CYP4F2: variants seen among roughly 807,000 people sequenced by gnomAD.
CYP4F2 encodes cytochrome P450 family 4 subfamily F member 2, also known as cytochrome P450 4F2.
CYP4F2 carries 58 observed loss-of-function variants against 58.9 expected under a neutral mutation model. The observed-to-expected ratio is 0.98, with a 90% CI of 0.80 to 1.23. The LOEUF is 1.23. CYP4F2 is among the 50% of genes most tolerant of loss of function. The pLI, the probability that CYP4F2 is intolerant of heterozygous loss-of-function variation, is 0.00. For missense variants in CYP4F2, 616 were observed against 685.6 expected (o/e 0.90, Z 1.13); for synonymous variants, 287 against 261.1 (o/e 1.10, Z -0.95).
At chr19:15,886,132 C>A in intron 8 of CYP4F2, 79 bp from the exon 9 acceptor site, 1 of 1,605,828 alleles carries the variant, frequency 6.2e-7, no homozygotes, top group Non-Finnish European at 8.5e-7. Flanking sequence ...CATTGAGGGC[C>A]TCAGGGAGGA....
chr19:15,887,056 C>T (rs997298397), intron 7 of CYP4F2, among the ~76,000 whole-genome samples: 1 of 152,014 alleles, frequency 6.6e-6, no homozygotes, highest in African/African-American at 2.4e-5. Context: ...AGGTTTAATG[C>T]ATCTGTCACA....
chr19:15,892,991 G>A (rs538891557), intron 3 of CYP4F2, among the ~76,000 whole-genome samples: 1 of 152,300 alleles, frequency 6.6e-6, no homozygotes, highest in African/African-American at 2.4e-5. Flanking sequence ...CTGGACATGA[G>A]ACATGACCCT....
At chr19:15,890,254 C>G in intron 6 of CYP4F2, 58 bp downstream of exon 6, 1 of 1,612,512 alleles carries the variant, frequency 6.2e-7, no homozygotes, top group Non-Finnish European at 8.5e-7. Flanking sequence ...TCCTCCCTCT[C>G]CCACCTACCC....
chr19:15,888,752 CACAG>C lies in CYP4F2; in HGVS notation c.918+667_918+670del, dbSNP rs2089398131. 4.6e-5 allele frequency among the ~76,000 whole-genome samples: 7 copies of C among 152,074 alleles called. No homozygotes were observed. In the South Asian group the frequency reaches 1.4e-3, roughly 31 times the overall value. ...AGACAGAAACAGACACAAGCACAGGCACAGACAAAGATATAGACATAGCATTGAC... is the reference window on the plus strand; with the variant it reads ...AGACAGAAACAGACACAAGCACAGGCACAAAGATATAGACATAGCATTGAC... On this transcript the variant is annotated intron_variant, in intron 7 of 12. Transcript: ENST00000221700.
chr19:15,889,450 G>A lies in CYP4F2; in HGVS notation c.891C>T (p.Asp297=), dbSNP rs369098664. The A allele has an allele frequency of 6.8e-5, 109 of 1,614,018 alleles. No homozygotes were observed. The highest frequency in any genetic ancestry group is 8.9e-5 in the Non-Finnish European group (105 of 1,180,022). ...LQAKAKSKTL[D]FIDVLLLSKD... ...TGCTCAGCAGGAGTACATCAATGAA[G>A]TCCAAAGTCTTGGATTTGGCCTTGG... Residue 297 remains aspartate, a synonymous_variant, in exon 7 of 13, where the codon GAC becomes GAT. Coordinates refer to ENST00000221700, the MANE Select transcript of CYP4F2 (RefSeq NM_001082.5).
Position 15,888,194 on chromosome 19 carries a change from A to T in CYP4F2, c.918+1229T>A, listed in dbSNP as rs150660112. On this transcript the variant is annotated intron_variant, in intron 7 of 12. Coordinates refer to ENST00000221700, the MANE Select transcript of CYP4F2 (RefSeq NM_001082.5). ...TACACATAAACAAACATAGACATAG[A>T]CACACACACATAGACAAAGTCACAG... Among the ~76,000 whole-genome samples, 658 of 152,290 alleles carry T rather than the reference A, an allele frequency of 4.3e-3. 4 individuals carry two copies. Among genetic ancestry groups the T allele is most frequent in the African/African-American group, 0.015 (634 of 41,534 alleles).
chr19:15,879,191 C>T (rs182782476), intron 12 of CYP4F2, among the ~76,000 whole-genome samples, 155 bp downstream of exon 12: 11 of 152,140 alleles, frequency 7.2e-5, no homozygotes, highest in Admixed American at 5.2e-4. Context: ...CCAACCCAAC[C>T]GTACTCTATG....
chr19:15,878,908 C>T lies in CYP4F2; in HGVS notation c.1426G>A (p.Ala476Thr), dbSNP rs149564867. The change falls in exon 13 of 13, where the codon GCG (alanine) becomes ACG (threonine). Residue 476 changes from alanine to threonine, a missense_variant. Transcript: ENST00000221700. ...RNCIGQTFAMAEMKVVLALTL... is the reference protein window; with the variant it reads ...RNCIGQTFAMTEMKVVLALTL... The stretch of plus-strand genomic sequence containing the variant: ...AGCGCCAGGACCACCTTCATCTCCG[C>T]CATCGCGAACGTCTGCCCGATGCAG... 4 of 1,613,952 alleles carry T rather than the reference C, an allele frequency of 2.5e-6. No homozygotes were observed. The highest frequency in any genetic ancestry group is 3.3e-5 in the Admixed American group (2 of 60,016).
chr19:15,896,099 T>C (rs1464022223), intron 2 of CYP4F2, among the ~76,000 whole-genome samples: 1 of 151,664 alleles, frequency 6.6e-6, no homozygotes, highest in African/African-American at 2.4e-5. Flanking sequence ...CATCCATCCA[T>C]CCATCCATGC....
In CYP4F2 at chr19:15,889,312, T is replaced by C. The variant is rs905459568; in HGVS notation, c.918+111A>G. 6.9e-6 allele frequency: 11 copies of C among 1,586,976 alleles called. No individual in the cohort carries two copies. The Admixed American group carries it at 9.0e-5, about 13-fold the overall frequency. ...TCTGACCTGTCCCTCCCTTCCTCAA[T>C]CACCTTCCATGGCTCCCTAGTGCCC... is the stretch of plus-strand genomic sequence containing the variant. On this transcript the variant is annotated intron_variant, in intron 7 of 12. Coordinates refer to ENST00000221700, the MANE Select transcript of CYP4F2 (RefSeq NM_001082.5).
chr19:15,878,837 G>A lies in CYP4F2; in HGVS notation c.1497C>T (p.Arg499=). The change falls in exon 13 of 13, where the codon CGC becomes CGT. Residue 499 remains arginine (R), a synonymous_variant. Coordinates refer to ENST00000221700, the MANE Select transcript of CYP4F2 (RefSeq NM_001082.5). ...FRVLPDHTEP[R]RKPELVLRAE... is the part of the protein sequence containing the mutation. ...CGCGCAGGACCAGCTCCGGCTTCCT[G>A]CGGGGCTCGGTGTGGTCAGGCAGGA... is the stretch of plus-strand genomic sequence containing the variant. The A allele has an allele frequency of 1.9e-6, 3 of 1,614,034 alleles. No homozygotes were observed. The highest frequency in any genetic ancestry group is 1.3e-5 in the African/African-American group (1 of 75,048).
At chr19:15,891,943 C>G (rs541626606) in intron 5 of CYP4F2, among the ~76,000 whole-genome samples, 18 of 152,274 alleles carry the variant, frequency 1.2e-4, no homozygotes, top group African/African-American at 4.3e-4. Context: ...GTCCCAAAGA[C>G]TTATTAGCAA....
At chr19:15,884,751 G>A (rs542475498) in intron 9 of CYP4F2, among the ~76,000 whole-genome samples, 19 of 152,272 alleles carry the variant, frequency 1.2e-4, no homozygotes, top group South Asian at 4.2e-4. Context: ...CAAGACATCC[G>A]TCCATTCCAA....
chr19:15,896,474 G>A (rs2145016657), intron 2 of CYP4F2, among the ~76,000 whole-genome samples: 1 of 152,310 alleles, frequency 6.6e-6, no homozygotes, highest in Admixed American at 6.5e-5. Flanking sequence ...TATATGGGGA[G>A]GTCCTCACAG....
intron 2 of CYP4F2, 98 bp downstream of exon 2, chr19:15,897,316 G>C: frequency 1.8e-6 from 2 of 1,133,802 alleles, no homozygotes; most frequent in Non-Finnish European, 1.3e-6. Flanking sequence ...TGCCACCCCA[G>C]ATCCCAGCCC....
intron 3 of CYP4F2, among the ~76,000 whole-genome samples, chr19:15,895,243 A>G (rs1245303424): frequency 1.3e-5 from 2 of 152,050 alleles, no homozygotes; most frequent in African/African-American, 4.8e-5. Context: ...ATCTCCTTAA[A>G]GTTGGGGGTT....
chr19:15,895,776 T>A (rs1049411719), intron 2 of CYP4F2, 126 bp from the exon 3 acceptor site: 1 of 1,214,724 alleles, frequency 8.2e-7, no homozygotes, highest in Non-Finnish European at 1.1e-6. Flanking sequence ...CTATTCATCC[T>A]ATCTATCTAA....
intron 7 of CYP4F2, among the ~76,000 whole-genome samples, chr19:15,888,605 G>T (rs1170352143): frequency 3.3e-5 from 5 of 151,966 alleles, no homozygotes; most frequent in African/African-American, 1.2e-4. Context: ...CACAGATATA[G>T]ACACAGACGC....
At chr19:15,891,342 G>A (rs1374951571) in intron 5 of CYP4F2, among the ~76,000 whole-genome samples, 1 of 152,124 alleles carries the variant, frequency 6.6e-6, no homozygotes, top group African/African-American at 2.4e-5. Context: ...AATCTAACAA[G>A]AAACACATGC....
Sources: allele counts gnomAD v4.1 joint callset (sites outside exome capture counted in the v4.1 genomes callset), GRCh38; gene constraint gnomAD v4.1.1; transcripts MANE v1.5; gene names NCBI Gene and HGNC (gene_info 2026-07-23, HGNC 2026-07-21).